TRIM67: variants seen among roughly 807,000 people sequenced by gnomAD.
The protein encoded by TRIM67 is tripartite motif-containing protein 67.
TRIM67 carries 39 observed loss-of-function variants against 71.0 expected under a neutral mutation model. The observed-to-expected ratio is 0.55, with a 90% confidence interval of 0.43 to 0.72. The LOEUF is 0.72. TRIM67 is among the 30% of genes least tolerant of loss of function. The probability of loss-of-function intolerance (pLI) is 0.00; values close to 1 mark genes in which losing one functional copy is unlikely to be tolerated. For missense variants in TRIM67, 973 were observed against 1,079.2 expected, an observed-to-expected ratio of 0.90 and a Z score of 1.38; for synonymous variants, 481 against 473.9, an observed-to-expected ratio of 1.01 and a Z score of -0.19.
At chr1:231,166,769 T>A (rs937002637) in intron 1 of TRIM67, among the ~76,000 whole-genome samples, 3 of 152,202 alleles carry the variant, frequency 2.0e-5, no homozygotes, top group Non-Finnish European at 4.4e-5. Flanking sequence ...TAAAATAAGA[T>A]TATCACCTTT....
rs972640998 is a variant in TRIM67, at chr1:231,209,852, G to A, written c.2123+602G>A. ...CCCTGGGAGTAGGGTCACCAGCATG[G>A]ACACAGGAGACTCAGGTCCTGGCCT... On this transcript the variant is annotated intron_variant, in intron 8 of 9. Coordinates refer to ENST00000366653, the MANE Select transcript of TRIM67 (RefSeq NM_001004342.5). This position sits in a 1 kb window ranked among gnomAD's most constrained non-coding sequence, Gnocchi z 4.1. 4.6e-5 allele frequency among the ~76,000 whole-genome samples: 7 copies of A among 152,298 alleles called. No individual in the cohort carries two copies. In the Middle Eastern group the frequency reaches 0.01, roughly 222 times the overall value.
At chr1:231,186,549 CA>C (rs1683081342) in intron 1 of TRIM67, among the ~76,000 whole-genome samples, 1 of 152,266 alleles carries the variant, frequency 6.6e-6, no homozygotes. Flanking sequence ...AGATCCTTGG[CA>C]GCATAACTCC....
At chr1:231,176,136 A>G (rs1682740954) in intron 1 of TRIM67, among the ~76,000 whole-genome samples, 1 of 152,174 alleles carries the variant, frequency 6.6e-6, no homozygotes, top group Non-Finnish European at 1.5e-5. Context: ...GTGGCTTTCC[A>G]TATTATCCAG....
At chr1:231,170,391 T>C (rs914866341) in intron 1 of TRIM67, among the ~76,000 whole-genome samples, 2 of 152,226 alleles carry the variant, frequency 1.3e-5, no homozygotes, top group Admixed American at 6.5e-5. Context: ...CTTTATCTTC[T>C]CTTTGAAGAC....
At chr1:231,213,546 G>A (rs775427840) in intron 8 of TRIM67, among the ~76,000 whole-genome samples, 2 of 152,160 alleles carry the variant, frequency 1.3e-5, no homozygotes, top group East Asian at 3.9e-4. Context: ...GGGTAACATA[G>A]TGAGACTCCT....
Position 231,219,261 on chromosome 1 carries a change from C to T in TRIM67, c.*3821C>T. 1 of 979,030 alleles carries T rather than the reference C, an allele frequency of 1.0e-6. No individual in the cohort carries two copies. Among genetic ancestry groups the T allele is most frequent in the East Asian group, 1.1e-4 (1 of 8,810 alleles). 60.6% of individuals were successfully genotyped at this position (979,030 alleles called of 1,614,324 possible). A position where few individuals can be genotyped will look rare whatever the true frequency, so the allele number is the denominator to read the frequency against. ...AGCAACATCCCTGGTCTCTACCCAT[C>T]ATCTGCCAGTAGCAACCCCCAAGTT... On this transcript the variant is annotated 3_prime_UTR_variant, in exon 10 of 10. Transcript: ENST00000366653.
At chr1:231,197,183 C>A (rs1425057307) in intron 1 of TRIM67, among the ~76,000 whole-genome samples, 188 bp from the exon 2 acceptor site, 4 of 152,172 alleles carry the variant, frequency 2.6e-5, no homozygotes. Context: ...GCCAATCTAC[C>A]ACTGTTGGAA....
At chr1:231,214,027 G>T in intron 9 of TRIM67, 50 bp downstream of exon 9, 8 of 1,548,406 alleles carry the variant, frequency 5.2e-6, no homozygotes, top group Non-Finnish European at 7.0e-6. Flanking sequence ...CCAACTGTTT[G>T]CCACAGGTCT....
intron 2 of TRIM67, among the ~76,000 whole-genome samples, chr1:231,198,492 T>C (rs1473575477): frequency 6.6e-6 from 1 of 152,130 alleles, no homozygotes; most frequent in Admixed American, 6.5e-5. Flanking sequence ...GTTCAAGCAA[T>C]TCTCCTGCCT....
chr1:231,185,070 C>A, intron 1 of TRIM67: 1 of 1,532,932 alleles, frequency 6.5e-7, no homozygotes, highest in East Asian at 2.4e-5. Flanking sequence ...GGTGCCTGGA[C>A]TTCCAGAGAG....
intron 7 of TRIM67, among the ~76,000 whole-genome samples, chr1:231,208,501 G>A (rs916090060): frequency 2.0e-5 from 3 of 151,804 alleles, no homozygotes; most frequent in East Asian, 1.9e-4. Flanking sequence ...TAGTAGAGAC[G>A]GAGTTTAACC....
At chr1:231,178,363 A>G (rs1331955814) in intron 1 of TRIM67, among the ~76,000 whole-genome samples, 3 of 152,248 alleles carry the variant, frequency 2.0e-5, no homozygotes, top group East Asian at 1.9e-4. Context: ...TCCTTTTGCC[A>G]TGGACTGACG....
intron 7 of TRIM67, 66 bp from the exon 8 acceptor site, chr1:231,208,881 G>A (rs748977367): frequency 1.4e-6 from 2 of 1,467,898 alleles, no homozygotes; most frequent in Admixed American, 2.2e-5. Context: ...GTGTCTCTGA[G>A]CCGGTTAGAA....
intron 1 of TRIM67, among the ~76,000 whole-genome samples, chr1:231,167,319 C>CTGTTTTTTTTTTTTTT: frequency 1.9e-5 from 1 of 51,832 alleles, no homozygotes; most frequent in Admixed American, 1.9e-4. Flanking sequence ...ACTCTAATGT[C>CTGTTTTTTTTTTTTTT]TTTTTTTTTT....
Position 231,162,994 on chromosome 1 carries a change from G to A in TRIM67, c.25G>A (p.Val9Met), listed in dbSNP as rs748070499. The A allele has an allele frequency of 6.2e-6, 10 of 1,612,506 alleles. No individual in the cohort carries two copies. The highest frequency in any genetic ancestry group is 8.5e-6 in the Non-Finnish European group (10 of 1,179,390). Residue 9 changes from valine to methionine, a missense_variant, in exon 1 of 10, where the codon GTG becomes ATG. Transcript: ENST00000366653. Reference protein sequence around the residue: MEEELKCPVCGSLFREPII... With the variant: MEEELKCPMCGSLFREPII... ...GATGGAGGAAGAGCTGAAGTGTCCCGTGTGCGGCTCTCTGTTTCGGGAGCC... is the reference window on the plus strand; with the variant it reads ...GATGGAGGAAGAGCTGAAGTGTCCCATGTGCGGCTCTCTGTTTCGGGAGCC...
At position 231,219,899 on chromosome 1, in the gene TRIM67, C is replaced by G. The variant is rs764463877; in HGVS notation, c.*4459C>G. ...TAAAAATATGAGGGCAGGTTTCGGG[C>G]AGGATGTATTGATCAGACACCAAGT... On this transcript the variant is annotated 3_prime_UTR_variant, in exon 10 of 10. Coordinates refer to ENST00000366653, the MANE Select transcript of TRIM67 (RefSeq NM_001004342.5). 1 of 1,289,746 alleles carries G rather than the reference C, an allele frequency of 7.8e-7. No homozygotes were observed. Among genetic ancestry groups the G allele is most frequent in the Non-Finnish European group, 1.0e-6 (1 of 988,916 alleles). 79.9% of individuals were successfully genotyped at this position (1,289,746 alleles called of 1,614,324 possible). A position where few individuals can be genotyped will look rare whatever the true frequency, so the allele number is the denominator to read the frequency against.
chr1:231,186,226 A>G (rs1270589695), intron 1 of TRIM67: 1 of 1,420,762 alleles, frequency 7.0e-7, no homozygotes, highest in African/African-American at 1.5e-5. Flanking sequence ...AGAAGGAGAG[A>G]CAAGAGTACA....
chr1:231,170,509 G>A (rs75488395), intron 1 of TRIM67, among the ~76,000 whole-genome samples: 9,132 of 152,240 alleles, frequency 0.06, 475 homozygotes, highest in East Asian at 0.26. Flanking sequence ...AATGTTTGCT[G>A]TGGTGGTCAC....
Position 231,197,367 on chromosome 1 carries a change from T to C in TRIM67, c.1045-4T>C. 6.2e-7 allele frequency: 1 copy of C among 1,612,044 alleles called. No homozygotes were observed. Among genetic ancestry groups the C allele is most frequent in the East Asian group, 2.2e-5 (1 of 44,874 alleles). ...TTCTTTTCAACATGTGATATCTTTT[T>C]CAGGCACAACTATCTCAGGCCTTAA... On this transcript the variant is annotated splice_region_variant and splice_polypyrimidine_tract_variant and intron_variant, in intron 1 of 9. Transcript: ENST00000366653.
Sources: allele counts gnomAD v4.1 joint callset (sites outside exome capture counted in the v4.1 genomes callset), GRCh38; gene constraint gnomAD v4.1.1; non-coding constraint Gnocchi (gnomAD v3.1); transcripts MANE v1.5; gene names NCBI Gene and HGNC (gene_info 2026-07-23, HGNC 2026-07-21).